The following CDKL1 variants were observed in gnomAD, a reference collection of about 807,000 sequenced individuals.
CDKL1 encodes cyclin-dependent kinase-like 1.
Under a neutral mutation model 42.0 loss-of-function variants are expected in CDKL1, and 41 were observed. The observed-to-expected ratio is 0.98, with a 90% CI of 0.76 to 1.27. The LOEUF (loss-of-function observed/expected upper bound fraction) is 1.27, where lower values mean the gene tolerates loss of function less well. Among genes scored for constraint, CDKL1 ranks in the 50% most tolerant of loss-of-function variants. The probability of loss-of-function intolerance (pLI) is 0.00; values close to 1 mark genes in which losing one functional copy is unlikely to be tolerated. For missense variants in CDKL1, 394 were observed against 428.4 expected (o/e 0.92, Z 0.71); for synonymous variants, 153 against 158.6 (o/e 0.96, Z 0.26).
Position 50,358,887 on chromosome 14 carries a change from G to A in CDKL1, c.290+141C>T, listed in dbSNP as rs1412043994. The A allele has an allele frequency of 3.5e-5, 25 of 723,344 alleles. No homozygotes were observed. In the Middle Eastern group the frequency reaches 1.1e-3, roughly 31 times the overall value. 44.8% of individuals were successfully genotyped at this position (723,344 alleles called of 1,614,324 possible). A position where few individuals can be genotyped will look rare whatever the true frequency, so the allele number is the denominator to read the frequency against. ...AGTCCTGACCTCAGATGATCCACCC[G>A]TCTAGGCCTCCCAAAGTGCTGGGAT... On this transcript the variant is annotated intron_variant, in intron 3 of 9. Transcript: ENST00000395834.
chr14:50,383,465 G>A lies in CDKL1; in HGVS notation c.168+12236C>T, dbSNP rs541167491. Among the ~76,000 whole-genome samples the A allele has an allele frequency of 2.6e-4, 40 of 151,498 alleles. 1 individual carries two copies. The highest frequency in any genetic ancestry group is 2.3e-3 in the Admixed American group (35 of 15,236). Reference sequence around the variant, plus strand: ...CTCAGGAGGCTGAGACAGGAGAATCGCTTGAACCTGCGGGGAGGAGGAGGT... The same window carrying A: ...CTCAGGAGGCTGAGACAGGAGAATCACTTGAACCTGCGGGGAGGAGGAGGT... On this transcript the variant is annotated intron_variant, in intron 2 of 9. Coordinates refer to ENST00000395834, the MANE Select transcript of CDKL1 (RefSeq NM_004196.7).
intron 7 of CDKL1, among the ~76,000 whole-genome samples, chr14:50,336,997 T>G (rs1180664756): frequency 6.6e-6 from 1 of 152,110 alleles, no homozygotes; most frequent in Non-Finnish European, 1.5e-5. Context: ...ATACTGGTTT[T>G]TTTGTTTGTT....
At position 50,335,627 on chromosome 14, in the gene CDKL1, CA is replaced by C; in HGVS notation, c.739-1007del. 2.6e-6 allele frequency: 4 copies of C among 1,529,582 alleles called. No homozygotes were observed. In the South Asian group the frequency reaches 3.6e-5, roughly 14 times the overall value. The allele number at this position is 1,529,582 out of a possible 1,614,324, so 94.8% of individuals were successfully genotyped here. ...GCCAGTTAAAGAGACATACCACTGACAAAGGCTAATTGAGCAGAGAGGCTGA... is the reference window on the plus strand; with the variant it reads ...GCCAGTTAAAGAGACATACCACTGACAAGGCTAATTGAGCAGAGAGGCTGA... On this transcript the variant is annotated intron_variant, in intron 7 of 9. Transcript: ENST00000395834.
At chr14:50,381,216 T>C (rs1291590971) in intron 2 of CDKL1, among the ~76,000 whole-genome samples, 2 of 152,242 alleles carry the variant, frequency 1.3e-5, no homozygotes, top group Admixed American at 6.5e-5. Context: ...CCCAGTTGTG[T>C]ACATGTGTCC....
intron 2 of CDKL1, chr14:50,377,817 A>C: frequency 1.2e-6 from 1 of 845,296 alleles, no homozygotes; most frequent in South Asian, 2.1e-5. Flanking sequence ...TAAATCACTG[A>C]AAAAAGAAAA....
intron 4 of CDKL1, chr14:50,342,546 A>C: frequency 2.0e-6 from 1 of 500,496 alleles, no homozygotes; most frequent in Non-Finnish European, 2.8e-6. Flanking sequence ...AGGATAATAC[A>C]TCCCATGAAG....
chr14:50,367,823 G>C (rs1046551942), intron 2 of CDKL1, among the ~76,000 whole-genome samples: 1 of 152,166 alleles, frequency 6.6e-6, no homozygotes, highest in Admixed American at 6.5e-5. Context: ...TTCAGTTAAT[G>C]CTCTATCTAG....
intron 9 of CDKL1, chr14:50,331,569 G>GA (rs1298742583): frequency 6.0e-6 from 1 of 165,522 alleles, no homozygotes; most frequent in Non-Finnish European, 1.3e-5. Flanking sequence ...GCTGCAAAGA[G>GA]AAAGACTAAG....
At chr14:50,356,662 A>T (rs2034066696) in intron 3 of CDKL1, among the ~76,000 whole-genome samples, 1 of 152,316 alleles carries the variant, frequency 6.6e-6, no homozygotes, top group South Asian at 2.1e-4. Flanking sequence ...GGAACAACAC[A>T]TACTGAGGCC....
At chr14:50,340,316 A>G (rs1433801739) in intron 6 of CDKL1, among the ~76,000 whole-genome samples, 1 of 152,246 alleles carries the variant, frequency 6.6e-6, no homozygotes, top group South Asian at 2.1e-4. Flanking sequence ...CTTTGGGAAG[A>G]TAAGATTACA....
intron 2 of CDKL1, among the ~76,000 whole-genome samples, chr14:50,371,192 G>A (rs1322367389): frequency 6.6e-6 from 1 of 152,116 alleles, no homozygotes; most frequent in Non-Finnish European, 1.5e-5. Context: ...TTTGGCTATT[G>A]TGAACAGTAT....
At chr14:50,331,282 G>T (rs983816988) in intron 9 of CDKL1, 2 of 152,224 alleles carry the variant, frequency 1.3e-5, no homozygotes, top group Middle Eastern at 3.4e-3. Flanking sequence ...TTTTCAAATA[G>T]AAATATTTCC....
At chr14:50,379,032 G>T (rs1395628695) in intron 2 of CDKL1, among the ~76,000 whole-genome samples, 4 of 151,844 alleles carry the variant, frequency 2.6e-5, no homozygotes, top group Non-Finnish European at 4.4e-5. Flanking sequence ...TTGTATTTTT[G>T]GTAGAGACAG....
intron 2 of CDKL1, among the ~76,000 whole-genome samples, chr14:50,392,452 A>AAATAAT (rs56882058): frequency 0.28 from 37,929 of 134,200 alleles, 5,351 homozygotes; most frequent in Middle Eastern, 0.34. Flanking sequence ...TCCAAAAAAG[A>AAATAAT]AATAATAATA....
At chr14:50,362,492 T>A (rs575369675) in intron 2 of CDKL1, 5 of 193,254 alleles carry the variant, frequency 2.6e-5, no homozygotes, top group Non-Finnish European at 5.4e-5. Context: ...GGTTTGTGAA[T>A]GCACCAACTG....
chr14:50,378,854 C>CTT (rs140548824), intron 2 of CDKL1, among the ~76,000 whole-genome samples: 9 of 139,034 alleles, frequency 6.5e-5, no homozygotes, highest in Non-Finnish European at 1.1e-4. Flanking sequence ...TCAAGACAAT[C>CTT]TTTTTTTTTT....
intron 2 of CDKL1, among the ~76,000 whole-genome samples, chr14:50,360,786 T>TG (rs2034217322): frequency 9.7e-5 from 14 of 144,698 alleles, no homozygotes; most frequent in South Asian, 2.2e-4. Flanking sequence ...GTGTGTGTGT[T>TG]TGTGTGTGTG....
rs941180184 is a variant in CDKL1, at chr14:50,371,498, A to G, written c.169-12349T>C. Among the ~76,000 whole-genome samples, 10 of 152,336 alleles carry G rather than the reference A, an allele frequency of 6.6e-5. No individual in the cohort carries two copies. In the South Asian group the frequency reaches 1.4e-3, roughly 22 times the overall value. On this transcript the variant is annotated intron_variant, in intron 2 of 9. Coordinates refer to ENST00000395834, the MANE Select transcript of CDKL1 (RefSeq NM_004196.7). ...TTAGAAATGTTGAGCATTTTTCCAT[A>G]TATCTGTTGGCCATTTGTATGTCCT...
At chr14:50,335,168 C>T (rs930391539) in intron 7 of CDKL1, among the ~76,000 whole-genome samples, 7 of 151,564 alleles carry the variant, frequency 4.6e-5, no homozygotes, top group East Asian at 1.9e-4. Context: ...TGGTGGTGTG[C>T]GCCTCTAGTA....
Sources: allele counts gnomAD v4.1 joint callset (sites outside exome capture counted in the v4.1 genomes callset), GRCh38; gene constraint gnomAD v4.1.1; transcripts MANE v1.5; gene names NCBI Gene and HGNC (gene_info 2026-07-23, HGNC 2026-07-21).